Variants in RASSF3 observed in about 807,000 individuals in gnomAD.
RASSF3 encodes the protein Ras association domain family member 3, also known as ras association domain-containing protein 3.
RASSF3 carries 19 observed loss-of-function variants against 19.9 expected under a neutral mutation model. The ratio of observed to expected loss-of-function variants is 0.96; its 90% CI spans 0.67 to 1.40. The LOEUF (loss-of-function observed/expected upper bound fraction) is 1.40, where lower values mean the gene tolerates loss of function less well. RASSF3 is among the 40% of genes most tolerant of loss of function. The probability of loss-of-function intolerance (pLI) is 0.00; values close to 1 mark genes in which losing one functional copy is unlikely to be tolerated. For missense variants in RASSF3, 306 were observed against 289.8 expected, an observed-to-expected ratio of 1.06 and a Z score of -0.41; for synonymous variants, 110 against 104.2, an observed-to-expected ratio of 1.06 and a Z score of -0.34.
intron 2 of RASSF3, among the ~76,000 whole-genome samples, chr12:64,590,781 G>T (rs898460833): frequency 1.3e-5 from 2 of 152,122 alleles, no homozygotes; most frequent in African/African-American, 4.8e-5. Context: ...TCAGCTGTGA[G>T]CATGGACCCA....
upstream of RASSF3, among the ~76,000 whole-genome samples, chr12:64,607,359 TTATTTA>T (rs1870211997): frequency 1.5e-4 from 7 of 47,910 alleles, no homozygotes; most frequent in African/African-American, 3.3e-4. Flanking sequence ...CTTCCTTCCT[TTATTTA>T]TTTATTTATT....
At position 64,688,319 on chromosome 12, in the gene RASSF3, G is replaced by C. The variant is rs779591943; in HGVS notation, c.323G>C (p.Gly108Ala). ...NSGKLSPSSN[G>A]CMNTLHISST... ...GGAAAACTCTCTCCCAGTAGCAATG[G>C]CTGTATGAATACACTTCATATCAGC... The change falls in exon 3 of 5, where the codon GGC becomes GCC. Residue 108 changes from glycine to alanine, a missense_variant. By Grantham distance (60) the Gly-to-Ala change is moderately conservative. Coordinates refer to ENST00000542104, the MANE Select transcript of RASSF3 (RefSeq NM_178169.4). 2.5e-6 allele frequency: 4 copies of C among 1,613,790 alleles called. No homozygotes were observed. Among genetic ancestry groups the C allele is most frequent in the South Asian group, 1.1e-5 (1 of 91,088 alleles).
chr12:64,652,816 C>T (rs754551328), intron 1 of RASSF3, among the ~76,000 whole-genome samples: 1 of 152,164 alleles, frequency 6.6e-6, no homozygotes, highest in Non-Finnish European at 1.5e-5. Flanking sequence ...CAGTATAATT[C>T]TATTTACATG....
chr12:64,531,364 G>GT (rs1480905183), upstream of RASSF3, among the ~76,000 whole-genome samples: 3 of 152,162 alleles, frequency 2.0e-5, no homozygotes, highest in African/African-American at 7.2e-5. Context: ...AGTTGACCAA[G>GT]TATGTGTGAG....
At chr12:64,637,912 A>G (rs1008520535) in intron 1 of RASSF3, among the ~76,000 whole-genome samples, 1 of 149,608 alleles carries the variant, frequency 6.7e-6, no homozygotes, top group Non-Finnish European at 1.5e-5. Context: ...GCTGACTGCA[A>G]CCTCCGCCTC....
At chr12:64,612,713 T>C (rs2136154618) in intron 1 of RASSF3, among the ~76,000 whole-genome samples, 2 of 152,224 alleles carry the variant, frequency 1.3e-5, no homozygotes, top group Non-Finnish European at 2.9e-5. Flanking sequence ...TGGCCTCAGG[T>C]AATCTGCCCG....
intron 2 of RASSF3, among the ~76,000 whole-genome samples, chr12:64,592,958 T>C (rs905927421): frequency 1.3e-5 from 2 of 152,112 alleles, no homozygotes; most frequent in African/African-American, 2.4e-5. Flanking sequence ...CTCTTCTCGA[T>C]GTTTGGGAAT....
chr12:64,688,110 G>A, intron 2 of RASSF3, 106 bp from the exon 3 acceptor site: 1 of 805,090 alleles, frequency 1.2e-6, no homozygotes, highest in East Asian at 2.4e-5. Flanking sequence ...AACCTCAAGA[G>A]AAGAGAACAA....
rs576973504 is a variant in RASSF3 at position 64,508,651 on chromosome 12, G to A, written c.169+1322G>A. Among the ~76,000 whole-genome samples the A allele has an allele frequency of 1.1e-3, 165 of 152,046 alleles. 2 individuals carry two copies. Among genetic ancestry groups the A allele is most frequent in the Middle Eastern group, 0.01 (3 of 294 alleles). On this transcript the variant is annotated intron_variant, in intron 1 of 5. Transcript: ENST00000637125. ...TGTAATCCCAGCACTTTGGGAGGCC[G>A]AGGCGGGCAGATCACCTGAGGTCGG... is the stretch of plus-strand genomic sequence containing the variant.
chr12:64,636,603 C>T (rs113133106), intron 1 of RASSF3, among the ~76,000 whole-genome samples: 11 of 151,850 alleles, frequency 7.2e-5, no homozygotes, highest in Admixed American at 5.3e-4. Context: ...CGGTGGCTCA[C>T]GCCTGTAATC....
chr12:64,522,076 T>C (rs1565831677), intron 1 of RASSF3, among the ~76,000 whole-genome samples: 1 of 152,224 alleles, frequency 6.6e-6, no homozygotes, highest in Non-Finnish European at 1.5e-5. Flanking sequence ...GTAAACTTTT[T>C]TGGAACACCA....
chr12:64,592,680 A>G (rs1359326022), intron 2 of RASSF3, among the ~76,000 whole-genome samples: 2 of 152,162 alleles, frequency 1.3e-5, no homozygotes, highest in Non-Finnish European at 2.9e-5. Context: ...TCTGTTGCCC[A>G]GGCTGATGTA....
At chr12:64,679,725 G>C (rs1435002695) in intron 1 of RASSF3, among the ~76,000 whole-genome samples, 1 of 152,200 alleles carries the variant, frequency 6.6e-6, no homozygotes, top group African/African-American at 2.4e-5. Flanking sequence ...AACAATGAGG[G>C]AAGAGTCTAG....
intron 1 of RASSF3, chr12:64,654,073 A>T (rs1872061231): frequency 6.6e-6 from 1 of 152,200 alleles, no homozygotes; most frequent in Non-Finnish European, 1.5e-5. Context: ...CCCCACTCTG[A>T]TTCTGACTAG....
chr12:64,611,014 G>C (rs1870337698), intron 1 of RASSF3, among the ~76,000 whole-genome samples: 1 of 152,106 alleles, frequency 6.6e-6, no homozygotes, highest in African/African-American at 2.4e-5. Flanking sequence ...GCTCCGCCTC[G>C]GGCTGCCGCC....
intron 1 of RASSF3, among the ~76,000 whole-genome samples, chr12:64,680,907 C>T (rs756454318): frequency 1.3e-5 from 2 of 152,290 alleles, no homozygotes; most frequent in South Asian, 2.1e-4. Flanking sequence ...CCACCGCGCC[C>T]AGCCAGTTTC....
intron 1 of RASSF3, among the ~76,000 whole-genome samples, chr12:64,520,538 A>G (rs1457059113): frequency 7.5e-6 from 1 of 133,262 alleles, no homozygotes; most frequent in Admixed American, 8.2e-5. Context: ...ATACACACAC[A>G]GATACACACA....
intron 2 of RASSF3, among the ~76,000 whole-genome samples, chr12:64,565,065 G>T (rs370075568): frequency 6.6e-6 from 1 of 151,300 alleles, no homozygotes; most frequent in Non-Finnish European, 1.5e-5. Context: ...ACAGGTGTGA[G>T]CCACCACACC....
At chr12:64,541,833 C>A (rs1044253443), downstream of RASSF3, 6 of 394,726 alleles carry the variant, frequency 1.5e-5, no homozygotes, top group African/African-American at 1.0e-4. Context: ...CAGGTTCATT[C>A]ATTGCCATTG....
Sources: gnomAD v4.1 joint callset for allele counts (sites outside exome capture counted in the v4.1 genomes callset) on GRCh38, gnomAD v4.1.1 for gene constraint, MANE v1.5 for transcripts, NCBI Gene and HGNC (gene_info 2026-07-23, HGNC 2026-07-21) for gene names.